Variants in NEK11 observed in about 807,000 individuals in gnomAD.
The protein encoded by NEK11 is NIMA related kinase 11, also known as serine/threonine-protein kinase Nek11.
NEK11 carries 72 observed loss-of-function variants against 80.7 expected under a neutral mutation model. The ratio of observed to expected loss-of-function variants is 0.89; its 90% CI spans 0.74 to 1.08. NEK11 has a LOEUF of 1.08. NEK11 is among the 50% of genes least tolerant of loss of function. The pLI is 0.00. For synonymous variants in NEK11, 251 were observed against 260.7 expected (o/e 0.96, Z 0.36); for missense variants, 764 against 763.6 (o/e 1.00, Z -0.01).
chr3:131,225,037 T>C (rs2095148484), intron 14 of NEK11, among the ~76,000 whole-genome samples: 1 of 152,176 alleles, frequency 6.6e-6, no homozygotes, highest in Non-Finnish European at 1.5e-5. Context: ...TATAAGTCTG[T>C]AGTAGCGTAC....
chr3:131,188,994 C>T lies in NEK11; in HGVS notation c.1399+18107C>T, dbSNP rs77332194. Among the ~76,000 whole-genome samples, 747 of 152,220 alleles carry T rather than the reference C, an allele frequency of 4.9e-3. 11 individuals carry two copies. Among genetic ancestry groups the T allele is most frequent in the African/African-American group, 0.017 (711 of 41,540 alleles). On this transcript the variant is annotated intron_variant, in intron 14 of 17. Transcript: ENST00000383366. ...GGCCCTGAATCCAGTGACAAGTCCT[C>T]ATCAGAGAAGAGAAAATAAAACAGA...
At chr3:131,259,514 G>A (rs1204658819) in intron 16 of NEK11, among the ~76,000 whole-genome samples, 1 of 152,144 alleles carries the variant, frequency 6.6e-6, no homozygotes, top group African/African-American at 2.4e-5. Context: ...AGCCGTCTCT[G>A]ACAGAGTTGA....
intron 16 of NEK11, among the ~76,000 whole-genome samples, chr3:131,259,304 C>A (rs2095871299): frequency 6.6e-6 from 1 of 152,228 alleles, no homozygotes; most frequent in South Asian, 2.1e-4. Flanking sequence ...ACAACAACTT[C>A]TTTGGCAGTG....
chr3:131,146,193 AGAGT>A, intron 7 of NEK11, among the ~76,000 whole-genome samples: 1 of 152,228 alleles, frequency 6.6e-6, no homozygotes, highest in South Asian at 2.1e-4. Context: ...TCATCAGAAC[AGAGT>A]GTGTAGGTGC....
chr3:131,041,293 C>CT (rs2066429150), intron 3 of NEK11, among the ~76,000 whole-genome samples: 1 of 152,170 alleles, frequency 6.6e-6, no homozygotes, highest in Non-Finnish European at 1.5e-5. Context: ...TTTAACATTA[C>CT]TTAAAAAATG....
At chr3:131,268,744 G>A (rs775170722) in intron 16 of NEK11, among the ~76,000 whole-genome samples, 7 of 152,244 alleles carry the variant, frequency 4.6e-5, no homozygotes, top group Admixed American at 1.3e-4. Context: ...AGGCATGGGG[G>A]TCAGGGACCC....
chr3:131,332,114 G>A (rs1415243666), intron 17 of NEK11, among the ~76,000 whole-genome samples: 1 of 152,196 alleles, frequency 6.6e-6, no homozygotes, highest in East Asian at 1.9e-4. Flanking sequence ...AGAGAGCAGT[G>A]GTTCTCCCAG....
chr3:131,169,364 A>G (rs957462125), intron 13 of NEK11, among the ~76,000 whole-genome samples: 1 of 152,186 alleles, frequency 6.6e-6, no homozygotes, highest in African/African-American at 2.4e-5. Flanking sequence ...AATGGGCTCT[A>G]TGTCGCCTCT....
At chr3:131,187,539 A>T (rs553952666) in intron 14 of NEK11, among the ~76,000 whole-genome samples, 1 of 152,332 alleles carries the variant, frequency 6.6e-6, no homozygotes, top group South Asian at 2.1e-4. Context: ...ACATGTGTCA[A>T]TAACTCTTCT....
intron 4 of NEK11, among the ~76,000 whole-genome samples, chr3:131,100,679 C>T (rs1345701580): frequency 6.6e-6 from 1 of 152,160 alleles, no homozygotes; most frequent in African/African-American, 2.4e-5. Context: ...CAATGTTCAT[C>T]ATGGATATTG....
intron 17 of NEK11, among the ~76,000 whole-genome samples, chr3:131,321,739 T>C (rs908242056): frequency 3.9e-5 from 6 of 152,090 alleles, no homozygotes; most frequent in African/African-American, 1.2e-4. Flanking sequence ...CATGAAAACA[T>C]GCTCAACATC....
At chr3:131,074,363 G>A (rs149182057) in intron 3 of NEK11, among the ~76,000 whole-genome samples, 184 of 152,140 alleles carry the variant, frequency 1.2e-3, no homozygotes, top group Non-Finnish European at 2.1e-3. Flanking sequence ...GGAAGGAGAG[G>A]TTTATGAACC....
At chr3:131,266,586 C>T (rs972020984) in intron 16 of NEK11, among the ~76,000 whole-genome samples, 5 of 152,114 alleles carry the variant, frequency 3.3e-5, no homozygotes, top group African/African-American at 9.7e-5. Context: ...TTATGATTTC[C>T]ATTCTTTTGC....
intron 17 of NEK11, among the ~76,000 whole-genome samples, chr3:131,274,105 C>T (rs2096249945): frequency 8.3e-6 from 1 of 120,336 alleles, no homozygotes; most frequent in Admixed American, 9.3e-5. Context: ...CTATCCCTCC[C>T]CCCTCCCCCC....
chr3:131,318,755 A>ATATT (rs1375490691), intron 17 of NEK11, among the ~76,000 whole-genome samples: 1 of 149,984 alleles, frequency 6.7e-6, no homozygotes, highest in Non-Finnish European at 1.5e-5. Context: ...ATATATATAT[A>ATATT]TATTTATAAA....
At chr3:131,072,145 A>G (rs976295950) in intron 3 of NEK11, 1 of 152,206 alleles carries the variant, frequency 6.6e-6, no homozygotes, top group Non-Finnish European at 1.5e-5. Context: ...CCTCCTATCA[A>G]GAAGTCTAGA....
At chr3:131,137,016 G>C (rs1479043296) in intron 7 of NEK11, among the ~76,000 whole-genome samples, 1 of 152,196 alleles carries the variant, frequency 6.6e-6, no homozygotes, top group Non-Finnish European at 1.5e-5. Flanking sequence ...CAACCAGATG[G>C]CTCTTTGATC....
intron 7 of NEK11, among the ~76,000 whole-genome samples, chr3:131,149,188 T>C (rs550740610): frequency 6.6e-6 from 1 of 152,170 alleles, no homozygotes; most frequent in South Asian, 2.1e-4. Flanking sequence ...TGTTCCCTTC[T>C]TTGCATTCAT....
intron 14 of NEK11, among the ~76,000 whole-genome samples, chr3:131,185,268 C>T (rs2093552442): frequency 6.6e-6 from 1 of 152,028 alleles, no homozygotes; most frequent in Non-Finnish European, 1.5e-5. Flanking sequence ...AGTATAAGAG[C>T]TGTAATAGGG....
Sources: allele counts gnomAD v4.1 joint callset (sites outside exome capture counted in the v4.1 genomes callset), GRCh38; gene constraint gnomAD v4.1.1; transcripts MANE v1.5; gene names NCBI Gene and HGNC (gene_info 2026-07-23, HGNC 2026-07-21).